ZNF202: variants seen among roughly 807,000 people sequenced by gnomAD.
The protein encoded by ZNF202 is zinc finger protein 202.
In ZNF202, 22 loss-of-function variants were observed where a neutral mutation model predicts 54.5. That is an observed-to-expected ratio of 0.40 (90% CI 0.29 to 0.58). ZNF202 has a LOEUF of 0.58. ZNF202 is among the 20% of genes least tolerant of loss of function. ZNF202 has a pLI of 0.39. For synonymous variants in ZNF202, 294 were observed against 301.4 expected (o/e 0.98, Z 0.26); for missense variants, 644 against 805.5 (o/e 0.80, Z 2.43).
At chr11:123,733,985 T>G (rs973707064) in intron 3 of ZNF202, among the ~76,000 whole-genome samples, 1 of 152,204 alleles carries the variant, frequency 6.6e-6, no homozygotes, top group Non-Finnish European at 1.5e-5. Flanking sequence ...CTAGAAACCT[T>G]ATTTTGGTTT....
Position 123,726,278 on chromosome 11 carries a change from G to A in ZNF202, c.1666C>T (p.Arg556Trp), listed in dbSNP as rs528445064. Residue 556 changes from arginine (R) to tryptophan (W), a missense_variant, in exon 9 of 9, where the codon CGG becomes TGG. By Grantham distance (101) the Arg-to-Trp change is moderately radical. Around this residue, in one of 3 missense-constraint regions of ZNF202, gnomAD observed 536 missense variants for 635.3 expected, o/e 0.84. Transcript: ENST00000530393. This position sits in a 1 kb window ranked among gnomAD's most constrained non-coding sequence, Gnocchi z 6.0. ...FSEHRRYLAH[R>W]KTHAAEELYL... is the part of the protein sequence containing the mutation. ...AGTTCCTCAGCAGCGTGCGTCTTCC[G>A]GTGCGCCAGGTACCGCCTGTGTTCA... The A allele has an allele frequency of 1.2e-5, 20 of 1,614,072 alleles. No homozygotes were observed. Among genetic ancestry groups the A allele is most frequent in the East Asian group, 2.2e-5 (1 of 44,888 alleles).
intron 3 of ZNF202, among the ~76,000 whole-genome samples, chr11:123,732,915 C>T (rs936166201): frequency 3.2e-4 from 48 of 152,130 alleles, no homozygotes; most frequent in Non-Finnish European, 2.2e-4. Context: ...TTCATCTCTA[C>T]TGCCATTTCC....
At position 123,738,863 on chromosome 11, in the gene ZNF202, G is replaced by A. The variant is rs1053886625; in HGVS notation, c.-98+1254C>T. The A allele has an allele frequency of 2.6e-5, 4 of 152,154 alleles. No individual in the cohort carries two copies. The South Asian group carries it at 6.2e-4, about 24-fold the overall frequency. The allele number at this position is 152,154 out of a possible 1,614,324, so 9.4% of individuals were successfully genotyped here. ...GGAGATGATAAGGGATGGGATCCCC[G>A]CCTGTTGAACCAGAGGAATCTGAGG... On this transcript the variant is annotated intron_variant, in intron 3 of 8. Transcript: ENST00000530393.
At chr11:123,738,799 C>T (rs964672985) in intron 3 of ZNF202, 4 of 152,240 alleles carry the variant, frequency 2.6e-5, no homozygotes, top group Non-Finnish European at 5.9e-5. Flanking sequence ...GTCTAGATGA[C>T]TTCCTCCTGG....
chr11:123,732,578 C>T (rs1252783217), intron 3 of ZNF202, among the ~76,000 whole-genome samples: 1 of 152,198 alleles, frequency 6.6e-6, no homozygotes, highest in Non-Finnish European at 1.5e-5. Flanking sequence ...ATTTCCCCTA[C>T]TCTCAGACAT....
rs1861102316 is a variant in ZNF202 at position 123,725,758 on chromosome 11, G to C, written c.*239C>G. ...ATGAGGTAGAGGCAGGTGCACTCCA[G>C]TGAAGGAGAAGCCTCAATTCAGGTT... On this transcript the variant is annotated 3_prime_UTR_variant, in exon 9 of 9. Transcript: ENST00000530393. 46 of 516,806 alleles carry C rather than the reference G, an allele frequency of 8.9e-5. 1 individual carries two copies. The South Asian group carries it at 1.4e-3, about 15-fold the overall frequency. The allele number at this position is 516,806 out of a possible 1,614,324, so 32.0% of individuals were successfully genotyped here. A position where few individuals can be genotyped will look rare whatever the true frequency, so the allele number is the denominator to read the frequency against.
rs763535576 is a variant in ZNF202, at chr11:123,726,011, C to T, written c.1933G>A (p.Glu645Lys). 6 of 1,612,286 alleles carry T rather than the reference C, an allele frequency of 3.7e-6. No homozygotes were observed. The South Asian group carries it at 4.4e-5, about 12-fold the overall frequency. The change falls in exon 9 of 9, where the codon GAA becomes AAA. Residue 645 changes from glutamate (E) to lysine (K), a missense_variant. Physicochemically the swap from Glu to Lys is moderately conservative, Grantham distance 56. Around this residue, in one of 3 missense-constraint regions of ZNF202, gnomAD observed 536 missense variants for 635.3 expected, o/e 0.84. Transcript: ENST00000530393. The surrounding 1 kb of genome is among the most constrained non-coding windows in gnomAD (Gnocchi z 6.0). ...TGGGGACCTAGCTAGGAGGTCTTTT[C>T]TGAGTGGGTCCTCTGATGCCTAATT... ...HLIRHQRTHS[E>K]KTS
chr11:123,740,507 G>C lies in ZNF202; in HGVS notation c.-264C>G, dbSNP rs1432956896. The C allele has an allele frequency of 2.6e-5, 4 of 152,400 alleles. No individual in the cohort carries two copies. The highest frequency in any genetic ancestry group is 9.6e-5 in the African/African-American group (4 of 41,568). 9.4% of individuals were successfully genotyped at this position (152,400 alleles called of 1,614,324 possible). A position where few individuals can be genotyped will look rare whatever the true frequency, so the allele number is the denominator to read the frequency against. ...AGGGGCTCCACTAGCATTCCTTGTG[G>C]CTTCTGAGTGTAGCTGCCCTGGGTG... is the stretch of plus-strand genomic sequence containing the variant. On this transcript the variant is annotated 5_prime_UTR_variant, in exon 2 of 9. Transcript: ENST00000530393.
chr11:123,727,368 T>A (rs912255399), intron 8 of ZNF202, 108 bp downstream of exon 8: 3 of 1,478,416 alleles, frequency 2.0e-6, no homozygotes, highest in African/African-American at 2.8e-5. Flanking sequence ...CAGTACTGGC[T>A]GACATGTTAG....
At chr11:123,727,982 C>G (rs192900766) in intron 7 of ZNF202, 151 bp downstream of exon 7, 2 of 842,808 alleles carry the variant, frequency 2.4e-6, no homozygotes, top group Admixed American at 6.7e-5. Flanking sequence ...GAAAGGACAC[C>G]ATATTTTTCA....
intron 5 of ZNF202, 44 bp downstream of exon 5, chr11:123,729,571 C>A: frequency 2.7e-6 from 4 of 1,483,984 alleles, no homozygotes; most frequent in Non-Finnish European, 3.6e-6. Context: ...CCCCTCCTTG[C>A]CTGCCTTCTG....
chr11:123,728,978 A>C, intron 6 of ZNF202, 148 bp downstream of exon 6: 6 of 705,780 alleles, frequency 8.5e-6, no homozygotes, highest in Non-Finnish European at 1.4e-5. Flanking sequence ...TTATCTCATT[A>C]TCTCCTCCCC....
At chr11:123,729,334 C>T (rs1458083630) in intron 5 of ZNF202, 120 bp from the exon 6 acceptor site, 1 of 1,043,050 alleles carries the variant, frequency 9.6e-7, no homozygotes, top group Non-Finnish European at 1.4e-6. Flanking sequence ...ATTATGGGAA[C>T]CAAGAAACTG....
chr11:123,732,812 G>T (rs1286930780), intron 3 of ZNF202, among the ~76,000 whole-genome samples: 2 of 152,014 alleles, frequency 1.3e-5, no homozygotes, highest in African/African-American at 4.8e-5. Flanking sequence ...AAGAACCATT[G>T]TTTCCTCCAT....
At chr11:123,729,455 T>C (rs961996270) in intron 5 of ZNF202, among the ~76,000 whole-genome samples, 160 bp downstream of exon 5, 2 of 152,190 alleles carry the variant, frequency 1.3e-5, no homozygotes, top group Non-Finnish European at 2.9e-5. Flanking sequence ...TGGGGGACTC[T>C]AGCTGGCGGT....
intron 3 of ZNF202, chr11:123,739,556 T>C (rs1182657759): frequency 6.6e-6 from 1 of 152,124 alleles, no homozygotes; most frequent in Non-Finnish European, 1.5e-5. Flanking sequence ...ATCAAGAGAA[T>C]TAAGAAAATC....
At chr11:123,737,844 G>A (rs2137372047) in intron 3 of ZNF202, among the ~76,000 whole-genome samples, 1 of 152,244 alleles carries the variant, frequency 6.6e-6, no homozygotes, top group African/African-American at 2.4e-5. Flanking sequence ...TGAGTCTTGG[G>A]ATGATTCTTT....
Position 123,724,803 on chromosome 11 carries a change from G to C in ZNF202, c.*1194C>G, listed in dbSNP as rs566297903. The C allele has an allele frequency of 3.9e-5, 6 of 152,340 alleles. No homozygotes were observed. The East Asian group carries it at 9.6e-4, about 24-fold the overall frequency. The allele number at this position is 152,340 out of a possible 1,614,324, so 9.4% of individuals were successfully genotyped here. Reference sequence around the variant, plus strand: ...AATACATGAAAGCCATTTACTCCTGGTGAATTCCTCAGGGTCCCAGGTTCA... The same window carrying C: ...AATACATGAAAGCCATTTACTCCTGCTGAATTCCTCAGGGTCCCAGGTTCA... On this transcript the variant is annotated 3_prime_UTR_variant, in exon 9 of 9. Coordinates refer to ENST00000530393, the MANE Select transcript of ZNF202 (RefSeq NM_003455.4).
In ZNF202 at chr11:123,725,422, C is replaced by T. The variant is rs1565517158; in HGVS notation, c.*575G>A. On this transcript the variant is annotated 3_prime_UTR_variant, in exon 9 of 9. Transcript: ENST00000530393. Reference sequence around the variant, plus strand: ...TTTTTCGCCCACTTCCATTTCTCCTCAGCATCAAAGGAAAGTGCATGGTAA... The same window carrying T: ...TTTTTCGCCCACTTCCATTTCTCCTTAGCATCAAAGGAAAGTGCATGGTAA... 1 of 152,250 alleles carries T rather than the reference C, an allele frequency of 6.6e-6. No individual in the cohort carries two copies. The highest frequency in any genetic ancestry group is 1.5e-5 in the Non-Finnish European group (1 of 68,136). 9.4% of individuals were successfully genotyped at this position (152,250 alleles called of 1,614,324 possible). A position where few individuals can be genotyped will look rare whatever the true frequency, so the allele number is the denominator to read the frequency against.
Sources: allele counts gnomAD v4.1 joint callset (sites outside exome capture counted in the v4.1 genomes callset), GRCh38; gene constraint gnomAD v4.1.1; regional missense constraint gnomAD v4.1.1; non-coding constraint Gnocchi (gnomAD v3.1); transcripts MANE v1.5; gene names NCBI Gene and HGNC (gene_info 2026-07-23, HGNC 2026-07-21).